RSBN1L: variants seen among roughly 807,000 people sequenced by gnomAD.
RSBN1L encodes the protein round spermatid basic protein 1 like, also known as lysine-specific demethylase RSBN1L.
A neutral mutation model predicts 67.7 loss-of-function variants in RSBN1L; 30 were observed. The ratio of observed to expected loss-of-function variants is 0.44; its 90% CI spans 0.33 to 0.60. The LOEUF is 0.60. RSBN1L is among the 20% of genes least tolerant of loss of function. The pLI, the probability that RSBN1L is intolerant of heterozygous loss-of-function variation, is 0.02. For missense variants in RSBN1L, 992 were observed against 1,031.7 expected (o/e 0.96, Z 0.53); for synonymous variants, 433 against 387.0 (o/e 1.12, Z -1.39).
intron 2 of RSBN1L, among the ~76,000 whole-genome samples, chr7:77,738,953 C>G (rs190888405): frequency 6.5e-4 from 99 of 152,104 alleles, no homozygotes; most frequent in Non-Finnish European, 1.2e-3. Flanking sequence ...AAACAAAAAA[C>G]AAAAAACACC....
At chr7:77,712,186 A>G (rs1025774898) in intron 1 of RSBN1L, among the ~76,000 whole-genome samples, 2 of 151,762 alleles carry the variant, frequency 1.3e-5, no homozygotes, top group Admixed American at 1.3e-4. Flanking sequence ...TAATGATTAC[A>G]TTTTCACTTA....
At chr7:77,709,570 G>A (rs1489318482) in intron 1 of RSBN1L, among the ~76,000 whole-genome samples, 1 of 152,128 alleles carries the variant, frequency 6.6e-6, no homozygotes, top group Non-Finnish European at 1.5e-5. Flanking sequence ...GATTACAAGC[G>A]TGAGCCACCG....
chr7:77,735,875 C>A (rs1791327335), intron 1 of RSBN1L, among the ~76,000 whole-genome samples: 1 of 152,086 alleles, frequency 6.6e-6, no homozygotes, highest in Non-Finnish European at 1.5e-5. Context: ...TTGAGTCATA[C>A]TATTTTTAAA....
At position 77,702,663 on chromosome 7, in the gene RSBN1L, C is replaced by T. The variant is rs565350446; in HGVS notation, c.586+5608C>T. 4.6e-5 allele frequency among the ~76,000 whole-genome samples: 7 copies of T among 152,122 alleles called. No homozygotes were observed. In the South Asian group the frequency reaches 8.3e-4, roughly 18 times the overall value. ...AGAGAGGAGGGGTGTCTTAGTCACT[C>T]GGGCTGCTATAATAAAATACCATAG... On this transcript the variant is annotated intron_variant, in intron 1 of 7. Coordinates refer to ENST00000334955, the MANE Select transcript of RSBN1L (RefSeq NM_198467.3).
intron 1 of RSBN1L, among the ~76,000 whole-genome samples, chr7:77,716,849 T>C (rs572499372): frequency 1.3e-5 from 2 of 152,180 alleles, no homozygotes; most frequent in African/African-American, 4.8e-5. Context: ...CCAGGTGGTC[T>C]TGAACTCCTG....
At chr7:77,773,072 A>C in intron 5 of RSBN1L, 75 bp from the exon 6 acceptor site, 1 of 762,086 alleles carries the variant, frequency 1.3e-6, no homozygotes, top group Non-Finnish European at 2.0e-6. Context: ...TTTTGTCTGA[A>C]TTATGTGATT....
chr7:77,720,539 A>G (rs948543038), intron 1 of RSBN1L, among the ~76,000 whole-genome samples: 12 of 152,174 alleles, frequency 7.9e-5, no homozygotes, highest in African/African-American at 2.9e-4. Context: ...AGCCTGGGCA[A>G]CAAGAGCGAA....
At chr7:77,727,974 C>T (rs1482343067) in intron 1 of RSBN1L, among the ~76,000 whole-genome samples, 1 of 152,094 alleles carries the variant, frequency 6.6e-6, no homozygotes, top group African/African-American at 2.4e-5. Context: ...TTCATTTTCT[C>T]TCTATTCTCT....
intron 1 of RSBN1L, among the ~76,000 whole-genome samples, chr7:77,711,844 T>G (rs1355520820): frequency 1.3e-5 from 2 of 152,162 alleles, no homozygotes; most frequent in Non-Finnish European, 2.9e-5. Context: ...GAATTATGAG[T>G]GAAAACATAC....
chr7:77,752,120 A>G (rs539633740), intron 3 of RSBN1L, among the ~76,000 whole-genome samples: 1 of 152,330 alleles, frequency 6.6e-6, no homozygotes, highest in African/African-American at 2.4e-5. Context: ...CTTGTTAATC[A>G]TGGCAGTGTG....
intron 2 of RSBN1L, among the ~76,000 whole-genome samples, chr7:77,747,294 C>T (rs116691310): frequency 8.2e-4 from 125 of 152,286 alleles, no homozygotes; most frequent in African/African-American, 3.0e-3. Context: ...GTAAATAAAA[C>T]GAAAGAGCCA....
intron 1 of RSBN1L, among the ~76,000 whole-genome samples, chr7:77,700,683 T>C (rs1368246348): frequency 6.6e-6 from 1 of 152,246 alleles, no homozygotes; most frequent in Non-Finnish European, 1.5e-5. Context: ...AATAATTTAC[T>C]ATGATTTTAT....
At chr7:77,701,169 AACAACAAC>A (rs376757289) in intron 1 of RSBN1L, among the ~76,000 whole-genome samples, 40,506 of 121,958 alleles carry the variant, frequency 0.33, 7,466 homozygotes, top group African/African-American at 0.39. Context: ...AAAAAAAAAA[AACAACAAC>A]AACAACAACA....
chr7:77,759,828 T>C (rs1791674300), intron 3 of RSBN1L: 1 of 152,202 alleles, frequency 6.6e-6, no homozygotes, highest in Non-Finnish European at 1.5e-5. Context: ...CAAAATAGTG[T>C]AATGCTGGAC....
At chr7:77,721,516 C>A (rs7782728) in intron 1 of RSBN1L, among the ~76,000 whole-genome samples, 1 of 151,916 alleles carries the variant, frequency 6.6e-6, no homozygotes, top group Admixed American at 6.6e-5. Flanking sequence ...CATTTGTGAT[C>A]ATGGGCATCA....
Position 77,756,670 on chromosome 7 carries a change from C to T in RSBN1L, c.1344+6606C>T, listed in dbSNP as rs568887592. Among the ~76,000 whole-genome samples, 9 of 151,904 alleles carry T rather than the reference C, an allele frequency of 5.9e-5. No homozygotes were observed. The East Asian group carries it at 1.4e-3, about 23-fold the overall frequency. On this transcript the variant is annotated intron_variant, in intron 3 of 7. Transcript: ENST00000334955. ...GTGGGCGCCTGTAGTCCCAGCTACTCGGGAGGCTGAGGCAGGAGAATCGCT... is the reference window on the plus strand; with the variant it reads ...GTGGGCGCCTGTAGTCCCAGCTACTTGGGAGGCTGAGGCAGGAGAATCGCT...
In RSBN1L at chr7:77,779,209, A is replaced by T. The variant is rs183913435; in HGVS notation, c.*41A>T. On this transcript the variant is annotated 3_prime_UTR_variant, in exon 8 of 8. Coordinates refer to ENST00000334955, the MANE Select transcript of RSBN1L (RefSeq NM_198467.3). ...CTAAAATCCTTTTTTAAAAAAATTT[A>T]ATGTAATAAAGATTCATGAATTCTG... 7 of 1,374,526 alleles carry T rather than the reference A, an allele frequency of 5.1e-6. No individual in the cohort carries two copies. The African/African-American group carries it at 8.8e-5, about 17-fold the overall frequency. The allele number at this position is 1,374,526 out of a possible 1,614,324, so 85.1% of individuals were successfully genotyped here.
rs537089474 is a variant in RSBN1L at position 77,738,974 on chromosome 7, A to G, written c.703+2448A>G. ...AAAACAAAAAACACCAATAAAACCAAACTATCTCCTCTCCTCAGTGTGTAG... is the reference window on the plus strand; with the variant it reads ...AAAACAAAAAACACCAATAAAACCAGACTATCTCCTCTCCTCAGTGTGTAG... On this transcript the variant is annotated intron_variant, in intron 2 of 7. Coordinates refer to ENST00000334955, the MANE Select transcript of RSBN1L (RefSeq NM_198467.3). Among the ~76,000 whole-genome samples, 7 of 152,206 alleles carry G rather than the reference A, an allele frequency of 4.6e-5. No homozygotes were observed. The East Asian group carries it at 1.4e-3, about 29-fold the overall frequency.
In RSBN1L at chr7:77,723,489, A is replaced by G. The variant is rs1159207294; in HGVS notation, c.587-12921A>G. Among the ~76,000 whole-genome samples the G allele has an allele frequency of 2.6e-5, 4 of 152,056 alleles. No homozygotes were observed. In the East Asian group the frequency reaches 7.7e-4, roughly 29 times the overall value. Reference sequence around the variant, plus strand: ...TTTTAATTCTAATTTTAATTTTTTGAGATAGGGTCTCACTCTTTGCCCAGA... The same window carrying G: ...TTTTAATTCTAATTTTAATTTTTTGGGATAGGGTCTCACTCTTTGCCCAGA... On this transcript the variant is annotated intron_variant, in intron 1 of 7. Transcript: ENST00000334955.
Sources: gnomAD v4.1 joint callset for allele counts (sites outside exome capture counted in the v4.1 genomes callset) on GRCh38, gnomAD v4.1.1 for gene constraint, MANE v1.5 for transcripts, NCBI Gene and HGNC (gene_info 2026-07-23, HGNC 2026-07-21) for gene names.